The following PHLDB1 variants were observed in gnomAD, a reference collection of about 807,000 sequenced individuals.
PHLDB1 encodes pleckstrin homology-like domain family B member 1.
In PHLDB1, 65 loss-of-function variants were observed where a neutral mutation model predicts 139.3. That is an observed-to-expected ratio of 0.47 (90% CI 0.38 to 0.57). PHLDB1 has a LOEUF of 0.57. Among genes scored for constraint, PHLDB1 ranks in the 20% least tolerant of loss-of-function variants. The probability of loss-of-function intolerance (pLI) is 0.00; values close to 1 mark genes in which losing one functional copy is unlikely to be tolerated. For synonymous variants in PHLDB1, 679 were observed against 734.5 expected, an observed-to-expected ratio of 0.92 and a Z score of 1.22; for missense variants, 1,624 against 1,839.7, an observed-to-expected ratio of 0.88 and a Z score of 2.14.
At chr11:118,646,156 A>C (rs1947483617) in intron 17 of PHLDB1, among the ~76,000 whole-genome samples, 1 of 140,882 alleles carries the variant, frequency 7.1e-6, no homozygotes, top group African/African-American at 2.6e-5. Flanking sequence ...GCTGCGCGGG[A>C]GGCTGAGGCA....
At chr11:118,648,304 TG>T (rs1947857892) in intron 18 of PHLDB1, among the ~76,000 whole-genome samples, 1 of 150,908 alleles carries the variant, frequency 6.6e-6, no homozygotes. Context: ...TGTGTGTGTG[TG>T]TGTGTGTGTG....
intron 22 of PHLDB1, 124 bp from the exon 23 acceptor site, chr11:118,656,559 A>C: frequency 5.8e-6 from 5 of 855,500 alleles, no homozygotes; most frequent in Non-Finnish European, 5.6e-6. Flanking sequence ...CTCTGGACCT[A>C]TTTAGGACTA....
In PHLDB1 at chr11:118,628,220, G is replaced by A. The variant is rs140294013; in HGVS notation, c.1397G>A (p.Arg466Gln). The A allele has an allele frequency of 1.7e-5, 27 of 1,613,930 alleles. No individual in the cohort carries two copies. Among genetic ancestry groups the A allele is most frequent in the South Asian group, 8.8e-5 (8 of 91,076 alleles). The part of the protein sequence containing the change: ...ELPPLSPSLS[R>Q]RALSPLPTRT... Reference sequence around the variant, plus strand: ...CCCCCCTTAAGTCCATCTCTGTCCCGGCGAGCTCTCTCCCCGCTGCCCACC... The same window carrying A: ...CCCCCCTTAAGTCCATCTCTGTCCCAGCGAGCTCTCTCCCCGCTGCCCACC... The change falls in exon 6 of 23, where the codon CGG becomes CAG. Residue 466 changes from arginine to glutamine, a missense_variant. Physicochemically the swap from Arg to Gln is conservative, Grantham distance 43. Coordinates refer to ENST00000600882, the MANE Select transcript of PHLDB1 (RefSeq NM_001144758.3).
intron 6 of PHLDB1, chr11:118,630,150 G>C (rs1944559485): frequency 4.2e-6 from 4 of 962,398 alleles, no homozygotes; most frequent in South Asian, 2.7e-5. Context: ...TGGCCAAACT[G>C]TAAGTGATGA....
intron 5 of PHLDB1, among the ~76,000 whole-genome samples, chr11:118,625,350 G>A (rs11603616): frequency 0.32 from 48,949 of 152,048 alleles, 8,162 homozygotes; most frequent in Admixed American, 0.43. Context: ...TGGAACTCTG[G>A]CCCACTTGTG....
Position 118,656,790 on chromosome 11 carries a change from AG to A in PHLDB1, c.4105del (p.Ala1369LeufsTer8). ...GTATCTGGATGGATGTCATTGTCAC[AG>A]GGGCTGAGGGCTACACTCAGTTCAT... The part of the protein sequence containing the change: ...MRIWMDVIVT[G>X]AEGYTQFMN On this transcript the variant is annotated frameshift_variant, in exon 23 of 23. Coordinates refer to ENST00000600882, the MANE Select transcript of PHLDB1 (RefSeq NM_001144758.3). LOFTEE classifies it high-confidence loss of function. The A allele has an allele frequency of 1.2e-6, 2 of 1,614,020 alleles. No homozygotes were observed. The highest frequency in any genetic ancestry group is 1.7e-6 in the Non-Finnish European group (2 of 1,179,894).
chr11:118,639,771 C>A, intron 12 of PHLDB1: 2 of 376,030 alleles, frequency 5.3e-6, no homozygotes, highest in Non-Finnish European at 7.5e-6. Flanking sequence ...CCCTCCCTCC[C>A]TGCCTCACTA....
Position 118,642,358 on chromosome 11 carries a change from C to T in PHLDB1, c.2841C>T (p.Pro947=). 6.2e-7 allele frequency: 1 copy of T among 1,610,682 alleles called. No individual in the cohort carries two copies. Among genetic ancestry groups the T allele is most frequent in the Non-Finnish European group, 8.5e-7 (1 of 1,179,992 alleles). The change falls in exon 13 of 23, where the codon CCC becomes CCT. Residue 947 remains proline (P), a synonymous_variant. Coordinates refer to ENST00000600882, the MANE Select transcript of PHLDB1 (RefSeq NM_001144758.3). ...GPAAASPHSS[P]PPLPAKASRQ... ...CTGCAGCCTCCCCTCACTCTTCTCC[C>T]CCGCCTCTGCCCGCCAAAGCTTCCC...
At chr11:118,612,924 C>T (rs1017456373) in intron 1 of PHLDB1, among the ~76,000 whole-genome samples, 2 of 152,188 alleles carry the variant, frequency 1.3e-5, no homozygotes, top group South Asian at 4.2e-4. Flanking sequence ...GGCATGGGGG[C>T]ATACATTAGT....
chr11:118,639,233 C>T lies in PHLDB1; in HGVS notation c.2718C>T (p.Thr906=). Residue 906 remains threonine, a synonymous_variant, in exon 12 of 23, where the codon ACC becomes ACT. Transcript: ENST00000600882. ...SLTGGRPFPK[T]TSTLKEMEKL... ...CAGGGGGCAGGCCTTTCCCGAAGAC[C>T]ACATCGACCCTCAAAGAGGTATCAT... The T allele has an allele frequency of 6.2e-7, 1 of 1,613,528 alleles. No homozygotes were observed. Among genetic ancestry groups the T allele is most frequent in the Non-Finnish European group, 8.5e-7 (1 of 1,179,442 alleles).
chr11:118,642,300 A>C lies in PHLDB1; in HGVS notation c.2783A>C (p.Gln928Pro). ...GCTGTAGACTTAGAGCAGTGGTACCAGGAGCTGATGGCCGGGCTGGGGACT... is the reference window on the plus strand; with the variant it reads ...GCTGTAGACTTAGAGCAGTGGTACCCGGAGCTGATGGCCGGGCTGGGGACT... Reference protein sequence around the residue: ...LPAVDLEQWYQELMAGLGTGP... With the variant: ...LPAVDLEQWYPELMAGLGTGP... Residue 928 changes from glutamine to proline, a missense_variant, in exon 13 of 23, where the codon CAG becomes CCG. By Grantham distance (76) the Gln-to-Pro change is moderately conservative. Coordinates refer to ENST00000600882, the MANE Select transcript of PHLDB1 (RefSeq NM_001144758.3). 1 of 1,613,144 alleles carries C rather than the reference A, an allele frequency of 6.2e-7. No homozygotes were observed. Among genetic ancestry groups the C allele is most frequent in the Middle Eastern group, 1.6e-4 (1 of 6,062 alleles).
intron 3 of PHLDB1, 40 bp downstream of exon 3, chr11:118,614,722 C>A: frequency 1.2e-6 from 2 of 1,601,484 alleles, no homozygotes; most frequent in Non-Finnish European, 1.7e-6. Flanking sequence ...ACCCCTCTAT[C>A]CTTATAGGCA....
chr11:118,622,122 G>C (rs1438071419), intron 4 of PHLDB1, among the ~76,000 whole-genome samples: 1 of 152,144 alleles, frequency 6.6e-6, no homozygotes, highest in Non-Finnish European at 1.5e-5. Context: ...CTCCAGATGT[G>C]CAGCTCCTCC....
In PHLDB1 at chr11:118,656,864, T is replaced by A. The variant is rs1555142328; in HGVS notation, c.*41T>A. ...TGGCAGAGCACAACTGGGGCTTTTG[T>A]ATAAGAAGACTTTAATATTCTGTAA... On this transcript the variant is annotated 3_prime_UTR_variant, in exon 23 of 23. Coordinates refer to ENST00000600882, the MANE Select transcript of PHLDB1 (RefSeq NM_001144758.3). 6.4e-7 allele frequency: 1 copy of A among 1,567,566 alleles called. No homozygotes were observed. Among genetic ancestry groups the A allele is most frequent in the Admixed American group, 1.8e-5 (1 of 56,954 alleles).
chr11:118,624,926 C>T lies in PHLDB1; in HGVS notation c.356-8C>T, dbSNP rs1370076964. On this transcript the variant is annotated splice_region_variant and splice_polypyrimidine_tract_variant and intron_variant, in intron 4 of 22. Transcript: ENST00000600882. ...CACCTGGTCTTCAAGTGTTTGCTTTCTCTGCAGGCTGCATGTTGTGCCTGG... is the reference window on the plus strand; with the variant it reads ...CACCTGGTCTTCAAGTGTTTGCTTTTTCTGCAGGCTGCATGTTGTGCCTGG... The T allele has an allele frequency of 1.9e-6, 3 of 1,614,028 alleles. No homozygotes were observed. The highest frequency in any genetic ancestry group is 2.5e-6 in the Non-Finnish European group (3 of 1,179,936).
At chr11:118,629,227 G>A (rs782460324) in intron 6 of PHLDB1, among the ~76,000 whole-genome samples, 4 of 152,222 alleles carry the variant, frequency 2.6e-5, no homozygotes, top group Non-Finnish European at 4.4e-5. Context: ...TCATCTAGGA[G>A]TGCAGGTGGC....
chr11:118,651,220 T>C (rs1268786597), intron 20 of PHLDB1: 1 of 152,474 alleles, frequency 6.6e-6, no homozygotes, highest in Non-Finnish European at 1.5e-5. Context: ...ACAGGTGCAG[T>C]GGCTCACACC....
intron 3 of PHLDB1, 188 bp downstream of exon 3, chr11:118,614,870 G>A: frequency 1.7e-6 from 1 of 577,828 alleles, no homozygotes; most frequent in Non-Finnish European, 3.1e-6. Context: ...AGATGATCTG[G>A]TTCCACGACT....
intron 3 of PHLDB1, among the ~76,000 whole-genome samples, chr11:118,615,346 C>T (rs1194961373): frequency 6.6e-6 from 1 of 151,998 alleles, no homozygotes; most frequent in Non-Finnish European, 1.5e-5. Context: ...GAGGGTATAC[C>T]ATAGATGGAG....
Sources: gnomAD v4.1 joint callset for allele counts (sites outside exome capture counted in the v4.1 genomes callset) on GRCh38, gnomAD v4.1.1 for gene constraint, MANE v1.5 for transcripts, NCBI Gene and HGNC (gene_info 2026-07-23, HGNC 2026-07-21) for gene names.